Variants in LHX6 observed in about 807,000 individuals in gnomAD.
LHX6 encodes the protein LIM homeobox 6.
LHX6 carries 15 observed loss-of-function variants against 47.1 expected under a neutral mutation model. The ratio of observed to expected loss-of-function variants is 0.32; its 90% CI spans 0.21 to 0.49. LHX6 has a LOEUF of 0.49. Ranked by LOEUF, LHX6 falls within the 20% of genes least tolerant of loss-of-function variation. The probability of loss-of-function intolerance (pLI) is 0.99; values close to 1 mark genes in which losing one functional copy is unlikely to be tolerated. For synonymous variants in LHX6, 242 were observed against 233.5 expected, an observed-to-expected ratio of 1.04 and a Z score of -0.33; for missense variants, 404 against 539.6, an observed-to-expected ratio of 0.75 and a Z score of 2.49.
chr9:122,217,250 A>T lies in LHX6; in HGVS notation c.500T>A (p.Ile167Asn). ...TCTCCGCACCCAGTCGCTGGCGTAG[A>T]TCTGTCGGCCGCACCGGGCACACTT... The part of the protein sequence containing the change: ...GTKCARCGRQ[I>N]YASDWVRRAR... The change falls in exon 5 of 10, where the codon ATC (isoleucine) becomes AAC (asparagine). Residue 167 changes from isoleucine to asparagine, a missense_variant. Transcript: ENST00000394319. This position sits in a 1 kb window ranked among gnomAD's most constrained non-coding sequence, Gnocchi z 4.9. 6.2e-7 allele frequency: 1 copy of T among 1,613,740 alleles called. No individual in the cohort carries two copies. The highest frequency in any genetic ancestry group is 8.5e-7 in the Non-Finnish European group (1 of 1,179,980).
At chr9:122,208,013 C>A (rs751880842) in intron 9 of LHX6, among the ~76,000 whole-genome samples, 36 of 152,094 alleles carry the variant, frequency 2.4e-4, no homozygotes, top group Non-Finnish European at 4.7e-4. Context: ...ACTGCCACAC[C>A]CACTGACCTC....
chr9:122,219,699 A>G (rs1409953987), intron 4 of LHX6, among the ~76,000 whole-genome samples: 3 of 152,254 alleles, frequency 2.0e-5, no homozygotes, highest in South Asian at 4.1e-4. Context: ...TCCGGTTTTC[A>G]TAGGAGGAAT....
chr9:122,219,517 G>A (rs938116843), intron 4 of LHX6, among the ~76,000 whole-genome samples: 1 of 152,184 alleles, frequency 6.6e-6, no homozygotes, highest in Non-Finnish European at 1.5e-5. Flanking sequence ...GGTGGTATCC[G>A]GATTGGGAGC....
Position 122,228,702 on chromosome 9 carries a change from G to C in LHX6, c.39C>G (p.Pro13=), listed in dbSNP as rs954003084. The C allele has an allele frequency of 1.1e-5, 14 of 1,290,980 alleles. No individual in the cohort carries two copies. The East Asian group carries it at 4.4e-4, about 41-fold the overall frequency. The allele number at this position is 1,290,980 out of a possible 1,614,324, so 80.0% of individuals were successfully genotyped here. ...WKHENAAPAL[P]EGCRLPAEGG... ...CCTCGGCCGGCAGCCGGCAGCCCTCGGGCAACGCCGGGGCGGCGTTCTCAT... is the reference window on the plus strand; with the variant it reads ...CCTCGGCCGGCAGCCGGCAGCCCTCCGGCAACGCCGGGGCGGCGTTCTCAT... Residue 13 remains proline (P), a synonymous_variant, in exon 1 of 10, where the codon CCC becomes CCG. Transcript: ENST00000394319.
intron 4 of LHX6, among the ~76,000 whole-genome samples, chr9:122,220,465 G>A (rs1462509453): frequency 6.6e-6 from 1 of 152,242 alleles, no homozygotes; most frequent in African/African-American, 2.4e-5. Flanking sequence ...ATCGATCCAG[G>A]CTCCGACAGA....
intron 4 of LHX6, chr9:122,221,138 C>G (rs1031243758): frequency 2.0e-6 from 2 of 985,312 alleles, no homozygotes; most frequent in African/African-American, 3.5e-5. Context: ...TCCTGTGAGG[C>G]GAACAAGGTG....
chr9:122,223,477 C>T (rs1329042516), intron 4 of LHX6, among the ~76,000 whole-genome samples: 2 of 152,174 alleles, frequency 1.3e-5, no homozygotes, highest in Non-Finnish European at 2.9e-5. Context: ...CAGTGATAAT[C>T]GAGGCATTCA....
chr9:122,228,156 G>T, intron 1 of LHX6: 18 of 620,416 alleles, frequency 2.9e-5, no homozygotes, highest in Middle Eastern at 4.1e-4. Flanking sequence ...CAGCTATATT[G>T]ACACGGATTC....
At chr9:122,215,892 ACT>A (rs1169071159) in intron 5 of LHX6, among the ~76,000 whole-genome samples, 1 of 152,094 alleles carries the variant, frequency 6.6e-6, no homozygotes, top group Admixed American at 6.5e-5. Context: ...TTGGGCAGAC[ACT>A]CTGTGGTATT....
In LHX6 at chr9:122,228,862, G is replaced by A. The variant is rs1190130785; in HGVS notation, c.-122C>T. The A allele has an allele frequency of 3.1e-5, 17 of 554,566 alleles. No individual in the cohort carries two copies. The East Asian group carries it at 7.1e-4, about 23-fold the overall frequency. The allele number at this position is 554,566 out of a possible 1,614,324, so 34.4% of individuals were successfully genotyped here. A position where few individuals can be genotyped will look rare whatever the true frequency, so the allele number is the denominator to read the frequency against. On this transcript the variant is annotated 5_prime_UTR_variant, in exon 1 of 10. Transcript: ENST00000394319. Reference sequence around the variant, plus strand: ...GGAGGAGAGCCGAGGCGCCGGCCCCGCCGCCCCGGGCCCGGCCTCAGCCCC... The same window carrying A: ...GGAGGAGAGCCGAGGCGCCGGCCCCACCGCCCCGGGCCCGGCCTCAGCCCC...
intron 4 of LHX6, among the ~76,000 whole-genome samples, chr9:122,222,694 T>A (rs550707999): frequency 2.3e-3 from 345 of 152,260 alleles, no homozygotes; most frequent in Non-Finnish European, 2.6e-3. Flanking sequence ...GAGCCACCAG[T>A]GCTAGCTCTG....
At chr9:122,220,995 C>G (rs1830830940) in intron 4 of LHX6, 1 of 719,514 alleles carries the variant, frequency 1.4e-6, no homozygotes, top group African/African-American at 1.9e-5. Context: ...TTAAGCTACC[C>G]CTTTTCTGTA....
rs1376902666 is a variant in LHX6, at chr9:122,204,582, G to C, written c.*178C>G. Reference sequence around the variant, plus strand: ...TCTGTGGTGCTCCTGGTGGGTTCTGGTTCTCAGCAGGAGAGGGAAAGGCCA... The same window carrying C: ...TCTGTGGTGCTCCTGGTGGGTTCTGCTTCTCAGCAGGAGAGGGAAAGGCCA... On this transcript the variant is annotated 3_prime_UTR_variant, in exon 10 of 10. Coordinates refer to ENST00000394319, the MANE Select transcript of LHX6 (RefSeq NM_014368.5). The C allele has an allele frequency of 1.8e-6, 1 of 571,060 alleles. No homozygotes were observed. Among genetic ancestry groups the C allele is most frequent in the Non-Finnish European group, 3.0e-6 (1 of 332,130 alleles). The allele number at this position is 571,060 out of a possible 1,614,324, so 35.4% of individuals were successfully genotyped here. A position where few individuals can be genotyped will look rare whatever the true frequency, so the allele number is the denominator to read the frequency against.
At chr9:122,205,960 T>G (rs1015979599) in intron 9 of LHX6, among the ~76,000 whole-genome samples, 1 of 151,568 alleles carries the variant, frequency 6.6e-6, no homozygotes, top group East Asian at 2.0e-4. Context: ...CCCTGGCCAC[T>G]GCTCCACTTT....
intron 5 of LHX6, 124 bp downstream of exon 5, chr9:122,216,944 G>A (rs565992981): frequency 1.3e-6 from 1 of 782,754 alleles, no homozygotes; most frequent in Admixed American, 2.5e-5. Flanking sequence ...CCCCTACGCT[G>A]CCTGCGGGAC....
At chr9:122,228,316 G>T (rs1831195344) in intron 1 of LHX6, 2 of 1,534,762 alleles carry the variant, frequency 1.3e-6, no homozygotes, top group East Asian at 2.5e-5. Context: ...CCGGCCCCGC[G>T]TCGGGATTCT....
rs1380538066 is a variant in LHX6, at chr9:122,214,599, G to A, written c.683-216C>T. Among the ~76,000 whole-genome samples the A allele has an allele frequency of 6.6e-6, 1 of 152,128 alleles. No homozygotes were observed. Among genetic ancestry groups the A allele is most frequent in the Non-Finnish European group, 1.5e-5 (1 of 68,032 alleles). On this transcript the variant is annotated intron_variant, in intron 5 of 9. Coordinates refer to ENST00000394319, the MANE Select transcript of LHX6 (RefSeq NM_014368.5). This position sits in a 1 kb window ranked among gnomAD's most constrained non-coding sequence, Gnocchi z 4.6. ...GACACTTCTTACACGACTGGACCAC[G>A]TCTTACAGCCCTAAGGAGAGGTGGC...
In LHX6 at chr9:122,223,045, C is replaced by G. The variant is rs139193901; in HGVS notation, c.461+3331G>C. Among the ~76,000 whole-genome samples, 111 of 152,372 alleles carry G rather than the reference C, an allele frequency of 7.3e-4. No individual in the cohort carries two copies. In the East Asian group the frequency reaches 0.018, roughly 25 times the overall value. On this transcript the variant is annotated intron_variant, in intron 4 of 9. Coordinates refer to ENST00000394319, the MANE Select transcript of LHX6 (RefSeq NM_014368.5). ...TGCCTCCCACGCCACCATTCACACT[C>G]TCTCCAGGAAGAACTTCCTCATAGC...
intron 4 of LHX6, among the ~76,000 whole-genome samples, chr9:122,218,727 C>T (rs1171754062): frequency 6.6e-6 from 1 of 152,132 alleles, no homozygotes; most frequent in East Asian, 1.9e-4. Flanking sequence ...ACATCCTCTT[C>T]AGGCCCATCT....
Sources: allele counts gnomAD v4.1 joint callset (sites outside exome capture counted in the v4.1 genomes callset), GRCh38; gene constraint gnomAD v4.1.1; non-coding constraint Gnocchi (gnomAD v3.1); transcripts MANE v1.5; gene names NCBI Gene and HGNC (gene_info 2026-07-23, HGNC 2026-07-21).